The following CUX1 variants were observed in gnomAD, a reference collection of about 807,000 sequenced individuals.
CUX1 encodes cut like homeobox 1.
CUX1 carries 31 observed loss-of-function variants against 158.8 expected under a neutral mutation model. The ratio of observed to expected loss-of-function variants is 0.20; its 90% CI spans 0.15 to 0.26. The LOEUF (loss-of-function observed/expected upper bound fraction) is 0.26. CUX1 is among the 10% of genes least tolerant of loss of function. The pLI is 1.00. For synonymous variants in CUX1, 879 were observed against 862.1 expected (o/e 1.02, Z -0.34); for missense variants, 1,589 against 2,014.6 (o/e 0.79, Z 4.04).
chr7:102,103,871 G>A (rs1830054206), intron 5 of CUX1, among the ~76,000 whole-genome samples: 1 of 151,948 alleles, frequency 6.6e-6, no homozygotes. Flanking sequence ...AGAGAATGGG[G>A]TACCGTAGAC....
intron 18 of CUX1, among the ~76,000 whole-genome samples, chr7:102,278,246 GC>G (rs1471598091): frequency 6.6e-6 from 1 of 152,158 alleles, no homozygotes; most frequent in Non-Finnish European, 1.5e-5. Context: ...CCCTCCCTAA[GC>G]CGGGAGAAGC....
chr7:102,243,749 C>T (rs149007962), intron 23 of CUX1, among the ~76,000 whole-genome samples: 3 of 151,174 alleles, frequency 2.0e-5, no homozygotes, highest in Non-Finnish European at 2.9e-5. Context: ...CCAGCAGGGG[C>T]GGGCTTGGTG....
chr7:101,978,554 C>T (rs1023183716), intron 2 of CUX1, among the ~76,000 whole-genome samples: 1 of 152,282 alleles, frequency 6.6e-6, no homozygotes, highest in Non-Finnish European at 1.5e-5. Flanking sequence ...CTTTCCCCAG[C>T]GGCCTCAGTT....
intron 2 of CUX1, among the ~76,000 whole-genome samples, chr7:101,969,606 G>A (rs574989464): frequency 1.6e-4 from 25 of 152,052 alleles, no homozygotes; most frequent in Non-Finnish European, 3.1e-4. Context: ...ACTTTTTAGC[G>A]GTCGAAGGGA....
chr7:102,052,545 C>G (rs910154591), intron 3 of CUX1, among the ~76,000 whole-genome samples: 14 of 152,022 alleles, frequency 9.2e-5, no homozygotes, highest in African/African-American at 2.9e-4. Context: ...AGCTGATGGC[C>G]ATTTGGAGTT....
intron 2 of CUX1, among the ~76,000 whole-genome samples, chr7:102,016,121 G>T (rs936874464): frequency 5.3e-5 from 8 of 151,960 alleles, no homozygotes; most frequent in African/African-American, 9.7e-5. Flanking sequence ...TAATTTTTTT[G>T]ATTTTTAGTA....
chr7:102,283,834 A>G (rs1454213734), exon 23 of CUX1: 1 of 152,250 alleles, frequency 6.6e-6, no homozygotes, highest in Non-Finnish European at 1.5e-5. Context: ...CTCCTAGCCA[A>G]TCAGAACTGG....
At chr7:102,044,883 A>G (rs1487705859) in intron 3 of CUX1, among the ~76,000 whole-genome samples, 2 of 152,112 alleles carry the variant, frequency 1.3e-5, no homozygotes, top group African/African-American at 4.8e-5. Context: ...TGGCTGGAAG[A>G]TACAGGGAGG....
At chr7:102,021,828 T>C (rs1225528712) in intron 2 of CUX1, among the ~76,000 whole-genome samples, 1 of 152,112 alleles carries the variant, frequency 6.6e-6, no homozygotes, top group Non-Finnish European at 1.5e-5. Flanking sequence ...CTCGAAGTGC[T>C]GGGAATACAG....
intron 2 of CUX1, among the ~76,000 whole-genome samples, chr7:101,992,231 G>C (rs140658806): frequency 6.6e-6 from 1 of 152,264 alleles, no homozygotes; most frequent in East Asian, 1.9e-4. Context: ...AAAGTGGGAC[G>C]GGGTTGGGGG....
At chr7:102,014,358 C>T (rs1253691290) in intron 2 of CUX1, among the ~76,000 whole-genome samples, 1 of 152,188 alleles carries the variant, frequency 6.6e-6, no homozygotes, top group Non-Finnish European at 1.5e-5. Flanking sequence ...TAAAACAGCA[C>T]ACATCCTGAG....
intron 11 of CUX1, among the ~76,000 whole-genome samples, chr7:102,187,232 A>C (rs782642391): frequency 6.6e-6 from 1 of 151,902 alleles, no homozygotes; most frequent in Non-Finnish European, 1.5e-5. Flanking sequence ...TCAAGCCAGG[A>C]ACCTGGAATC....
In CUX1 at chr7:101,829,398, G is replaced by A. The variant is rs575726329; in HGVS notation, c.30+11729G>A. 2.6e-5 allele frequency among the ~76,000 whole-genome samples: 4 copies of A among 152,236 alleles called. No individual in the cohort carries two copies. The East Asian group carries it at 5.8e-4, about 22-fold the overall frequency. On this transcript the variant is annotated intron_variant, in intron 1 of 23. Coordinates refer to ENST00000292535, the MANE Select transcript of CUX1 (RefSeq NM_181552.4). ...GGTTTCATGGGAACAGATGGCGGAC[G>A]GACACGGGCTTAGGCTCTTGGTTTA...
intron 1 of CUX1, among the ~76,000 whole-genome samples, chr7:101,863,767 A>G (rs1355896291): frequency 6.6e-6 from 1 of 151,494 alleles, no homozygotes; most frequent in Non-Finnish European, 1.5e-5. Flanking sequence ...GCCTTTGACC[A>G]CTCTAGGTCC....
chr7:101,871,203 G>A (rs1798490612), intron 1 of CUX1, among the ~76,000 whole-genome samples: 1 of 152,066 alleles, frequency 6.6e-6, no homozygotes, highest in African/African-American at 2.4e-5. Context: ...TGCTCTGCCC[G>A]GGAATACCTG....
chr7:102,073,474 A>G (rs1242752917), intron 4 of CUX1, among the ~76,000 whole-genome samples: 1 of 152,130 alleles, frequency 6.6e-6, no homozygotes, highest in African/African-American at 2.4e-5. Flanking sequence ...TGCCCAGCCT[A>G]GCTGCTGTTT....
At chr7:102,194,765 G>A (rs958423019) in intron 13 of CUX1, among the ~76,000 whole-genome samples, 176 of 152,070 alleles carry the variant, frequency 1.2e-3, no homozygotes, top group Non-Finnish European at 3.2e-4. Context: ...GCTCACTCCT[G>A]TAATCCCAGC....
chr7:102,024,419 G>T (rs550755676), intron 2 of CUX1, among the ~76,000 whole-genome samples: 2 of 152,034 alleles, frequency 1.3e-5, no homozygotes, highest in African/African-American at 4.8e-5. Flanking sequence ...CTCTGCCTCC[G>T]CGGTTTAAGC....
intron 2 of CUX1, among the ~76,000 whole-genome samples, chr7:102,008,885 G>A (rs1283043414): frequency 2.6e-5 from 4 of 152,294 alleles, no homozygotes; most frequent in African/African-American, 9.6e-5. Context: ...ACAGATGTAG[G>A]TGGAGCAGAT....
Sources: gnomAD v4.1 joint callset for allele counts (sites outside exome capture counted in the v4.1 genomes callset) on GRCh38, gnomAD v4.1.1 for gene constraint, MANE v1.5 for transcripts, NCBI Gene and HGNC (gene_info 2026-07-23, HGNC 2026-07-21) for gene names.